SIK3: variants seen among roughly 807,000 people sequenced by gnomAD.
SIK3 encodes serine/threonine-protein kinase SIK3.
Under a neutral mutation model 144.2 loss-of-function variants are expected in SIK3, and 28 were observed. The ratio of observed to expected loss-of-function variants is 0.19; its 90% CI spans 0.14 to 0.27. The LOEUF (loss-of-function observed/expected upper bound fraction) is 0.27, where lower values mean the gene tolerates loss of function less well. SIK3 is among the 10% of genes least tolerant of loss of function. The probability of loss-of-function intolerance (pLI) is 1.00; values close to 1 mark genes in which losing one functional copy is unlikely to be tolerated. For missense variants in SIK3, 1,319 were observed against 1,776.0 expected (o/e 0.74, Z 4.62); for synonymous variants, 686 against 676.3 (o/e 1.01, Z -0.22).
intron 14 of SIK3, 148 bp downstream of exon 14, chr11:116,870,183 G>A: frequency 6.5e-7 from 1 of 1,541,706 alleles, no homozygotes; most frequent in Non-Finnish European, 8.7e-7. Flanking sequence ...CTTCCATGTG[G>A]GGTGGAACAT....
chr11:116,965,734 A>AATATATATACATATAT lies in SIK3; in HGVS notation c.274-8671_274-8670insATATATGTATATATAT, dbSNP rs1949505761. Among the ~76,000 whole-genome samples the AATATATATACATATAT allele has an allele frequency of 7.6e-5, 9 of 118,376 alleles. 1 individual carries two copies. Among genetic ancestry groups the AATATATATACATATAT allele is most frequent in the African/African-American group, 3.3e-4 (9 of 27,140 alleles). The allele number at this position is 118,376 out of a possible 152,430, so 77.7% of individuals were successfully genotyped here. ...CATGGTGAAAACCCGTCTCTGCTAAAATATATATATATATATATATATATA... is the reference window on the plus strand; with the variant it reads ...CATGGTGAAAACCCGTCTCTGCTAAAATATATATACATATATATATATATATATATATATATATATA... On this transcript the variant is annotated intron_variant, in intron 1 of 24. Coordinates refer to ENST00000445177, the MANE Select transcript of SIK3 (RefSeq NM_001366686.3).
intron 1 of SIK3, among the ~76,000 whole-genome samples, chr11:116,971,065 T>C (rs1949749621): frequency 6.6e-6 from 1 of 152,240 alleles, no homozygotes; most frequent in Non-Finnish European, 1.5e-5. Context: ...CTCAATTAAA[T>C]ACATTAAAAC....
intron 1 of SIK3, among the ~76,000 whole-genome samples, chr11:117,032,739 G>A (rs1254470717): frequency 6.7e-6 from 1 of 150,154 alleles, no homozygotes; most frequent in African/African-American, 2.4e-5. Flanking sequence ...ATGAGATTAA[G>A]TTCATCTTTT....
In SIK3 at chr11:116,846,318, TG is replaced by T. The variant is rs1941949241; in HGVS notation, c.*13+64del. 3 of 1,530,192 alleles carry T rather than the reference TG, an allele frequency of 2.0e-6. No individual in the cohort carries two copies. Among genetic ancestry groups the T allele is most frequent in the Non-Finnish European group, 2.7e-6 (3 of 1,119,106 alleles). 94.8% of individuals were successfully genotyped at this position (1,530,192 alleles called of 1,614,324 possible). On this transcript the variant is annotated intron_variant, in intron 24 of 24. Transcript: ENST00000445177. The surrounding 1 kb of genome is among the most constrained non-coding windows in gnomAD (Gnocchi z 4.1). ...ACCACAACACATGGGCTGAAGCTCC[TG>T]ATGGGATTGGGAGCAGGCACTGGGC... is the stretch of plus-strand genomic sequence containing the variant.
chr11:117,016,785 T>A (rs1294778241), intron 1 of SIK3, among the ~76,000 whole-genome samples: 3 of 152,250 alleles, frequency 2.0e-5, no homozygotes, highest in African/African-American at 7.2e-5. Flanking sequence ...TTTTGTTAAC[T>A]GTACGTCAAT....
At chr11:117,023,709 C>G (rs957694561) in intron 1 of SIK3, among the ~76,000 whole-genome samples, 1 of 150,296 alleles carries the variant, frequency 6.7e-6, no homozygotes, top group Non-Finnish European at 1.5e-5. Context: ...CAGGGTCTCT[C>G]TGTGTCACCC....
chr11:116,890,160 A>T (rs1199106886), intron 6 of SIK3, among the ~76,000 whole-genome samples: 3 of 152,208 alleles, frequency 2.0e-5, no homozygotes, highest in African/African-American at 7.2e-5. Flanking sequence ...TGGTGATAGG[A>T]GGTGAGGAGA....
At chr11:116,899,308 T>C (rs1945614651) in intron 4 of SIK3, among the ~76,000 whole-genome samples, 1 of 152,028 alleles carries the variant, frequency 6.6e-6, no homozygotes, top group Admixed American at 6.6e-5. Flanking sequence ...TTCTGAGGGC[T>C]CTGTTCTGTT....
At chr11:116,872,216 C>T (rs543327950) in intron 13 of SIK3, among the ~76,000 whole-genome samples, 10 of 152,236 alleles carry the variant, frequency 6.6e-5, no homozygotes, top group Admixed American at 1.3e-4. Flanking sequence ...ACAGTTGGGA[C>T]GTCCAAAAAG....
chr11:116,918,790 A>C (rs1402417963), intron 4 of SIK3, among the ~76,000 whole-genome samples: 2 of 152,254 alleles, frequency 1.3e-5, no homozygotes, highest in Non-Finnish European at 2.9e-5. Context: ...TTAATATTAA[A>C]AAATATAGAT....
chr11:117,047,450 G>A (rs1953021365), intron 1 of SIK3, among the ~76,000 whole-genome samples: 1 of 152,098 alleles, frequency 6.6e-6, no homozygotes. Context: ...AGGGAAGGTG[G>A]ACTAGCATTA....
chr11:116,891,289 C>T (rs1297163567), intron 6 of SIK3, among the ~76,000 whole-genome samples: 1 of 152,132 alleles, frequency 6.6e-6, no homozygotes, highest in Admixed American at 6.5e-5. Flanking sequence ...TGCACTCCAG[C>T]CTGGGTGACA....
chr11:117,091,207 T>TC (rs1441937106), intron 1 of SIK3, among the ~76,000 whole-genome samples: 3 of 143,634 alleles, frequency 2.1e-5, no homozygotes, highest in Non-Finnish European at 3.1e-5. Flanking sequence ...TTTCTTTTTT[T>TC]TTTTTTTTTT....
In SIK3 at chr11:117,073,355, TTC is replaced by T. The variant is rs141893567; in HGVS notation, c.273+24786_273+24787del. 9.0e-3 allele frequency among the ~76,000 whole-genome samples: 1,363 copies of T among 152,264 alleles called. 21 individuals carry two copies. Among genetic ancestry groups the T allele is most frequent in the African/African-American group, 0.031 (1,300 of 41,546 alleles). On this transcript the variant is annotated intron_variant, in intron 1 of 24. Coordinates refer to ENST00000445177, the MANE Select transcript of SIK3 (RefSeq NM_001366686.3). ...GCTAACACTCATCCATACTCATACT[TTC>T]TGGTTATGTACAGCTGTGATTAGAA...
At chr11:116,915,433 T>C (rs1326330032) in intron 4 of SIK3, among the ~76,000 whole-genome samples, 3 of 152,304 alleles carry the variant, frequency 2.0e-5, no homozygotes, top group African/African-American at 7.2e-5. Context: ...ATGAATTATT[T>C]TCATGCCTTG....
At chr11:117,013,950 G>GTTTTTT (rs1591536602) in intron 1 of SIK3, among the ~76,000 whole-genome samples, 1 of 40,988 alleles carries the variant, frequency 2.4e-5, no homozygotes, top group Non-Finnish European at 6.7e-5. Context: ...GTGTGTGTGT[G>GTTTTTT]TTTTATTTCT....
Position 116,844,546 on chromosome 11 carries a change from T to G in SIK3, c.*1097A>C, listed in dbSNP as rs1315978105. ...CAGGGCCCAAGGCAACCTCCTACACTTCTTCCCTGTGACAAAGAGGCTGAA... is the reference window on the plus strand; with the variant it reads ...CAGGGCCCAAGGCAACCTCCTACACGTCTTCCCTGTGACAAAGAGGCTGAA... On this transcript the variant is annotated 3_prime_UTR_variant, in exon 25 of 25. Transcript: ENST00000445177. The G allele has an allele frequency of 6.9e-6, 1 of 144,516 alleles. No individual in the cohort carries two copies. The highest frequency in any genetic ancestry group is 1.5e-5 in the Non-Finnish European group (1 of 66,578). 9.0% of individuals were successfully genotyped at this position (144,516 alleles called of 1,614,324 possible). A position where few individuals can be genotyped will look rare whatever the true frequency, so the allele number is the denominator to read the frequency against.
chr11:116,875,918 G>A lies in SIK3; in HGVS notation c.1187C>T (p.Ala396Val), dbSNP rs763117502. The A allele has an allele frequency of 6.2e-7, 1 of 1,612,770 alleles. No homozygotes were observed. The highest frequency in any genetic ancestry group is 8.5e-7 in the Non-Finnish European group (1 of 1,179,720). Reference protein sequence around the residue: ...HKRHKTLRLGALPSMPRALAF... With the variant: ...HKRHKTLRLGVLPSMPRALAF... ...CAGGGCTCGGGGCATGCTAGGAAGTGCTCCGAGACGCAGGGTTTTATGTCT... is the reference window on the plus strand; with the variant it reads ...CAGGGCTCGGGGCATGCTAGGAAGTACTCCGAGACGCAGGGTTTTATGTCT... Residue 396 changes from alanine to valine, a missense_variant, in exon 9 of 25, where the codon GCA becomes GTA. Transcript: ENST00000445177.
At chr11:117,004,717 T>C (rs148283960) in intron 1 of SIK3, among the ~76,000 whole-genome samples, 1 of 152,282 alleles carries the variant, frequency 6.6e-6, no homozygotes, top group African/African-American at 2.4e-5. Context: ...CAGGAATACT[T>C]CTTCCCACCT....
Sources: allele counts gnomAD v4.1 joint callset (sites outside exome capture counted in the v4.1 genomes callset), GRCh38; gene constraint gnomAD v4.1.1; non-coding constraint Gnocchi (gnomAD v3.1); transcripts MANE v1.5; gene names NCBI Gene and HGNC (gene_info 2026-07-23, HGNC 2026-07-21).